The following WDR7 variants were observed in gnomAD, a reference collection of about 807,000 sequenced individuals.
WDR7 encodes WD repeat domain 7, also known as WD repeat-containing protein 7.
WDR7 carries 46 observed loss-of-function variants against 169.4 expected under a neutral mutation model. The observed-to-expected ratio is 0.27, with a 90% CI of 0.21 to 0.35. The LOEUF (loss-of-function observed/expected upper bound fraction) is 0.35, where lower values mean the gene tolerates loss of function less well. WDR7 is among the 10% of genes least tolerant of loss of function. The pLI is 1.00. For synonymous variants in WDR7, 612 were observed against 666.8 expected, an observed-to-expected ratio of 0.92 and a Z score of 1.27; for missense variants, 1,534 against 1,859.3, an observed-to-expected ratio of 0.83 and a Z score of 3.22.
At chr18:56,695,233 T>C (rs751387180) in intron 11 of WDR7, 35 bp downstream of exon 11, 1 of 1,594,894 alleles carries the variant, frequency 6.3e-7, no homozygotes, top group East Asian at 2.2e-5. Flanking sequence ...TAAAGTGTTT[T>C]GACAACTCTT....
chr18:56,829,350 A>T (rs1239925155), intron 20 of WDR7, among the ~76,000 whole-genome samples: 1 of 151,994 alleles, frequency 6.6e-6, no homozygotes, highest in African/African-American at 2.4e-5. Context: ...AGCCACCCTG[A>T]GGGTTACTTG....
At position 56,798,497 on chromosome 18, in the gene WDR7, A is replaced by G. The variant is rs558859004; in HGVS notation, c.3190+16841A>G. 2.6e-5 allele frequency among the ~76,000 whole-genome samples: 4 copies of G among 152,328 alleles called. No individual in the cohort carries two copies. In the South Asian group the frequency reaches 8.3e-4, roughly 32 times the overall value. On this transcript the variant is annotated intron_variant, in intron 19 of 27. Transcript: ENST00000254442. ...CAGGACAGCCCTTGCCACTGCCAACAAAGAATTATCCAACCCAGAATGTTA... is the reference window on the plus strand; with the variant it reads ...CAGGACAGCCCTTGCCACTGCCAACGAAGAATTATCCAACCCAGAATGTTA...
At chr18:56,918,599 A>C (rs2046663770) in intron 21 of WDR7, among the ~76,000 whole-genome samples, 1 of 152,118 alleles carries the variant, frequency 6.6e-6, no homozygotes, top group Non-Finnish European at 1.5e-5. Context: ...CACCTCACCG[A>C]AATAGTAAGA....
chr18:56,763,714 G>A (rs1472268044), intron 16 of WDR7, among the ~76,000 whole-genome samples: 1 of 152,050 alleles, frequency 6.6e-6, no homozygotes, highest in Non-Finnish European at 1.5e-5. Flanking sequence ...GAAAGCCCAG[G>A]GGTTTTCTTT....
At position 56,781,566 on chromosome 18, in the gene WDR7, G is replaced by A; in HGVS notation, c.3100G>A (p.Glu1034Lys). 1 of 1,611,518 alleles carries A rather than the reference G, an allele frequency of 6.2e-7. No individual in the cohort carries two copies. Residue 1034 changes from glutamate to lysine, a missense_variant, in exon 19 of 28, where the codon GAA becomes AAA. Transcript: ENST00000254442. The stretch of plus-strand genomic sequence containing the variant: ...AGCCGCGCAGGCCCTGCTTCTGGCG[G>A]AACTGAGAAGAATTGAGCAGGCAGG... ...REAAQALLLA[E>K]LRRIEQAGRK...
chr18:56,661,714 G>A lies in WDR7; in HGVS notation c.-20+10138G>A, dbSNP rs534055689. On this transcript the variant is annotated intron_variant, in intron 1 of 27. Transcript: ENST00000254442. ...TGTTCAGAAGGTTGTGTCCCTTACA[G>A]CCCTTAAATTCTGGAAACACTTTGT... Among the ~76,000 whole-genome samples the A allele has an allele frequency of 3.3e-5, 5 of 152,280 alleles. No homozygotes were observed. In the South Asian group the frequency reaches 8.3e-4, roughly 25 times the overall value.
chr18:56,769,249 T>A (rs1013478528), intron 16 of WDR7, among the ~76,000 whole-genome samples: 3 of 151,702 alleles, frequency 2.0e-5, no homozygotes, highest in Non-Finnish European at 4.4e-5. Context: ...AGACGGAGTC[T>A]CACTCTCTTG....
At chr18:56,991,403 C>G (rs908889975) in intron 26 of WDR7, among the ~76,000 whole-genome samples, 1 of 152,110 alleles carries the variant, frequency 6.6e-6, no homozygotes, top group South Asian at 2.1e-4. Flanking sequence ...CCTTGGCCTC[C>G]CAAAGTGCTA....
At chr18:56,986,128 T>TTGTGTGTGTGTG (rs60449836) in intron 26 of WDR7, among the ~76,000 whole-genome samples, 14 of 136,348 alleles carry the variant, frequency 1.0e-4, no homozygotes, top group African/African-American at 3.8e-4. Context: ...TTCAGCTTCT[T>TTGTGTGTGTGTG]TGTGTGTGTG....
chr18:56,892,160 T>C (rs1289155736), intron 21 of WDR7, among the ~76,000 whole-genome samples: 2 of 152,118 alleles, frequency 1.3e-5, no homozygotes, highest in African/African-American at 4.8e-5. Context: ...AGAAAACAAG[T>C]AATTCACACA....
At chr18:56,747,133 C>A (rs2469458) in intron 14 of WDR7, among the ~76,000 whole-genome samples, 139,934 of 152,154 alleles carry the variant, frequency 0.92, 65,453 homozygotes, top group East Asian at 1. Flanking sequence ...CCTTCTCTCT[C>A]AAATCTCTAC....
chr18:56,766,714 C>G (rs1224621693), intron 16 of WDR7, among the ~76,000 whole-genome samples: 1 of 152,064 alleles, frequency 6.6e-6, no homozygotes, highest in East Asian at 1.9e-4. Context: ...CTTTTAATCT[C>G]AGACATTGTT....
intron 25 of WDR7, among the ~76,000 whole-genome samples, chr18:56,958,259 T>C (rs2047285063): frequency 6.6e-6 from 1 of 152,136 alleles, no homozygotes; most frequent in South Asian, 2.1e-4. Flanking sequence ...TGCTCCTCAA[T>C]AGTTGAAGTC....
chr18:56,855,440 T>C (rs1201025053), intron 20 of WDR7, among the ~76,000 whole-genome samples: 1 of 152,164 alleles, frequency 6.6e-6, no homozygotes, highest in Non-Finnish European at 1.5e-5. Flanking sequence ...GGCTAGGGTG[T>C]TCAGGATCTT....
intron 26 of WDR7, among the ~76,000 whole-genome samples, chr18:56,967,710 G>A (rs1190258362): frequency 2.0e-5 from 3 of 152,086 alleles, no homozygotes; most frequent in African/African-American, 7.2e-5. Context: ...GTCATCCTTG[G>A]GTGGAGTATC....
chr18:56,699,708 C>A, intron 12 of WDR7: 1 of 444,022 alleles, frequency 2.3e-6, no homozygotes, highest in Non-Finnish European at 3.0e-6. Flanking sequence ...TCTTTATAGT[C>A]ACACTTCACG....
chr18:56,776,759 C>T (rs1257994661), intron 16 of WDR7, 23 bp from the exon 17 acceptor site: 14 of 1,605,908 alleles, frequency 8.7e-6, no homozygotes, highest in Non-Finnish European at 1.2e-5. Context: ...CTCCTCTTTA[C>T]TTCTTCTCTT....
intron 20 of WDR7, among the ~76,000 whole-genome samples, chr18:56,848,289 C>G (rs915431054): frequency 6.6e-6 from 1 of 152,174 alleles, no homozygotes; most frequent in Non-Finnish European, 1.5e-5. Flanking sequence ...CCAATTTCTT[C>G]CTTTTGGAAT....
At chr18:57,015,116 A>G (rs904102928) in intron 26 of WDR7, among the ~76,000 whole-genome samples, 5 of 152,230 alleles carry the variant, frequency 3.3e-5, no homozygotes, top group Non-Finnish European at 5.9e-5. Context: ...GAGATATCTG[A>G]AAACAGAATA....
Sources: allele counts gnomAD v4.1 joint callset (sites outside exome capture counted in the v4.1 genomes callset), GRCh38; gene constraint gnomAD v4.1.1; transcripts MANE v1.5; gene names NCBI Gene and HGNC (gene_info 2026-07-23, HGNC 2026-07-21).